The following EYS variants were observed in gnomAD, a reference collection of about 807,000 sequenced individuals.
EYS encodes the protein protein eyes shut homolog.
EYS carries 250 observed loss-of-function variants against 282.1 expected under a neutral mutation model. That is an observed-to-expected ratio of 0.89 (90% CI 0.80 to 0.98). EYS has a LOEUF of 0.98. EYS is among the 50% of genes least tolerant of loss of function. The pLI, the probability that EYS is intolerant of heterozygous loss-of-function variation, is 0.00. For synonymous variants in EYS, 1,355 were observed against 1,282.9 expected, an observed-to-expected ratio of 1.06 and a Z score of -1.20; for missense variants, 4,016 against 3,709.0, an observed-to-expected ratio of 1.08 and a Z score of -2.15.
intron 2 of EYS, among the ~76,000 whole-genome samples, chr6:65,568,269 C>A (rs1242343427): frequency 1.3e-5 from 2 of 151,622 alleles, no homozygotes. Flanking sequence ...ACCTGTTTTA[C>A]CAGAATCTGA....
chr6:64,004,873 A>C (rs972712177), intron 33 of EYS, among the ~76,000 whole-genome samples: 1 of 152,174 alleles, frequency 6.6e-6, no homozygotes, highest in Non-Finnish European at 1.5e-5. Flanking sequence ...ACTGATATGC[A>C]TTTAGGTTGA....
At chr6:65,355,710 A>G (rs978242870) in intron 8 of EYS, among the ~76,000 whole-genome samples, 2 of 152,128 alleles carry the variant, frequency 1.3e-5, no homozygotes, top group African/African-American at 2.4e-5. Flanking sequence ...ACAAATAGCC[A>G]GCCCACATAT....
intron 33 of EYS, among the ~76,000 whole-genome samples, chr6:64,019,536 G>T (rs770466522): frequency 6.6e-6 from 1 of 151,656 alleles, no homozygotes; most frequent in African/African-American, 2.4e-5. Flanking sequence ...TTAGCCTCTC[G>T]AGTAGCTGGG....
intron 2 of EYS, among the ~76,000 whole-genome samples, chr6:65,627,366 G>A (rs1363854168): frequency 6.6e-6 from 1 of 151,902 alleles, no homozygotes; most frequent in East Asian, 1.9e-4. Flanking sequence ...CAGCGTGCTG[G>A]CAGTCCTCAC....
intron 15 of EYS, among the ~76,000 whole-genome samples, chr6:64,929,803 T>C (rs1350452766): frequency 6.6e-6 from 1 of 152,172 alleles, no homozygotes; most frequent in Non-Finnish European, 1.5e-5. Flanking sequence ...TGTATGATTA[T>C]ATACTATAAG....
At position 65,686,705 on chromosome 6, in the gene EYS, C is replaced by T. The variant is rs558554552; in HGVS notation, c.-448+20430G>A. On this transcript the variant is annotated intron_variant, in intron 1 of 42. Coordinates refer to ENST00000503581, the MANE Select transcript of EYS (RefSeq NM_001142800.2). ...CTTGGGTAATGGGTTGTTTTTAAAG[C>T]AAGAAAGTATTATTATCTGAATTTT... Among the ~76,000 whole-genome samples the T allele has an allele frequency of 2.0e-5, 3 of 152,132 alleles. No homozygotes were observed. The South Asian group carries it at 6.2e-4, about 32-fold the overall frequency.
intron 40 of EYS, among the ~76,000 whole-genome samples, chr6:63,775,691 T>C (rs1209205075): frequency 6.6e-6 from 1 of 152,190 alleles, no homozygotes; most frequent in African/African-American, 2.4e-5. Flanking sequence ...AAGCACAATT[T>C]TTTTTTCTTT....
At chr6:64,269,889 C>A (rs1362386700) in intron 30 of EYS, among the ~76,000 whole-genome samples, 1 of 151,854 alleles carries the variant, frequency 6.6e-6, no homozygotes, top group Non-Finnish European at 1.5e-5. Context: ...TTACAACAAA[C>A]ATATTTTGAC....
intron 24 of EYS, among the ~76,000 whole-genome samples, chr6:64,594,864 A>AT (rs1766530869): frequency 6.6e-6 from 1 of 151,704 alleles, no homozygotes; most frequent in Non-Finnish European, 1.5e-5. Flanking sequence ...AAAAAATTAT[A>AT]TAAAAAAAAG....
intron 8 of EYS, among the ~76,000 whole-genome samples, chr6:65,358,944 C>T (rs1426389574): frequency 6.6e-6 from 1 of 151,992 alleles, no homozygotes; most frequent in African/African-American, 2.4e-5. Context: ...AGCATTTGAT[C>T]TATTTCTTCT....
intron 1 of EYS, among the ~76,000 whole-genome samples, chr6:65,673,386 T>C (rs905104747): frequency 6.6e-5 from 10 of 152,138 alleles, no homozygotes; most frequent in Non-Finnish European, 2.9e-5. Context: ...TATACAATGA[T>C]TGGTGATGGC....
At chr6:64,927,636 TA>T (rs1371047801) in intron 15 of EYS, among the ~76,000 whole-genome samples, 6 of 152,092 alleles carry the variant, frequency 3.9e-5, no homozygotes, top group African/African-American at 1.4e-4. Context: ...GGTTCTGGTG[TA>T]AGAAGTCCTA....
At chr6:63,865,409 C>T (rs1259212059) in intron 35 of EYS, among the ~76,000 whole-genome samples, 1 of 151,766 alleles carries the variant, frequency 6.6e-6, no homozygotes, top group Non-Finnish European at 1.5e-5. Context: ...TTTTTAAAGC[C>T]AGTTTGATTT....
chr6:64,387,065 C>G (rs771379185), intron 29 of EYS, among the ~76,000 whole-genome samples: 85 of 152,104 alleles, frequency 5.6e-4, no homozygotes, highest in Non-Finnish European at 1.1e-3. Context: ...CTCACCTATC[C>G]AAAATCAAGT....
At chr6:65,280,561 A>AT in intron 12 of EYS, among the ~76,000 whole-genome samples, 1 of 151,952 alleles carries the variant, frequency 6.6e-6, no homozygotes, top group South Asian at 2.1e-4. Flanking sequence ...TGTAGCTGTA[A>AT]TTTTTTCTTA....
chr6:65,181,364 A>T (rs867719267), intron 12 of EYS, among the ~76,000 whole-genome samples: 3 of 152,190 alleles, frequency 2.0e-5, no homozygotes, highest in Admixed American at 1.3e-4. Flanking sequence ...TTTACAAGAA[A>T]AAAACAAACA....
At chr6:63,860,876 G>C (rs978850923) in intron 36 of EYS, among the ~76,000 whole-genome samples, 1 of 152,030 alleles carries the variant, frequency 6.6e-6, no homozygotes, top group Non-Finnish European at 1.5e-5. Flanking sequence ...ATTGTGGAAG[G>C]TTTCTCTAGG....
At chr6:64,045,302 G>GTTTTTAC (rs1451812362) in intron 33 of EYS, among the ~76,000 whole-genome samples, 3 of 151,804 alleles carry the variant, frequency 2.0e-5, no homozygotes, top group African/African-American at 7.2e-5. Flanking sequence ...GTTGACAAAC[G>GTTTTTAC]TTTTTACTGA....
chr6:64,160,567 C>A (rs1020209300), intron 31 of EYS, among the ~76,000 whole-genome samples: 1 of 152,148 alleles, frequency 6.6e-6, no homozygotes, highest in Non-Finnish European at 1.5e-5. Context: ...AAAAAGACAG[C>A]TATTATACTA....
Sources: allele counts gnomAD v4.1 joint callset (sites outside exome capture counted in the v4.1 genomes callset), GRCh38; gene constraint gnomAD v4.1.1; transcripts MANE v1.5; gene names NCBI Gene and HGNC (gene_info 2026-07-23, HGNC 2026-07-21).